The following MZT2A variants were observed in gnomAD, a reference collection of about 807,000 sequenced individuals.
MZT2A encodes the protein mitotic spindle organizing protein 2A.
Under a neutral mutation model 12.4 loss-of-function variants are expected in MZT2A, and 8 were observed. The ratio of observed to expected loss-of-function variants is 0.64; its 90% CI spans 0.38 to 1.16. The LOEUF is 1.16. Ranked by LOEUF, MZT2A falls within the 50% of genes most tolerant of loss-of-function variation. MZT2A has a pLI of 0.01. For missense variants in MZT2A, 181 were observed against 223.6 expected (o/e 0.81, Z 1.22); for synonymous variants, 88 against 107.5 (o/e 0.82, Z 1.12).
chr2:131,474,479 G>A (rs1377260383), intron 2 of MZT2A, among the ~76,000 whole-genome samples: 1 of 131,106 alleles, frequency 7.6e-6, no homozygotes. Flanking sequence ...GTGTGATCTT[G>A]ACTCACTGCA....
At chr2:131,493,256 C>A, upstream of MZT2A, 1 of 1,352,804 alleles carries the variant, frequency 7.4e-7, no homozygotes, top group Non-Finnish European at 9.5e-7. Flanking sequence ...GGCCCGGCGG[C>A]TCTGCCCAGG....
At chr2:131,476,573 C>A (rs1309264495) in intron 2 of MZT2A, among the ~76,000 whole-genome samples, 1 of 152,164 alleles carries the variant, frequency 6.6e-6, no homozygotes, top group African/African-American at 2.4e-5. Context: ...GGGGTTGGGG[C>A]TGTGGACATT....
chr2:131,471,107 C>T (rs1704973309), intron 3 of MZT2A, among the ~76,000 whole-genome samples: 2 of 138,182 alleles, frequency 1.4e-5, no homozygotes, highest in South Asian at 2.1e-4. Flanking sequence ...CTGGAAGTGA[C>T]GAGACCTGGA....
intron 2 of MZT2A, chr2:131,476,327 T>G (rs1183253179): frequency 1.3e-6 from 2 of 1,532,386 alleles, no homozygotes; most frequent in Admixed American, 1.8e-5. Context: ...CAGGGTCTAG[T>G]GCGGGACAGG....
downstream of MZT2A, chr2:131,480,680 C>T (rs139606303): frequency 3.1e-5 from 50 of 1,613,814 alleles, no homozygotes; most frequent in African/African-American, 3.6e-4. Flanking sequence ...AAGACGTCAA[C>T]GCGGCCATCG....
chr2:131,484,589 G>GGCA (rs34185196), intron 2 of MZT2A, among the ~76,000 whole-genome samples: 5 of 151,604 alleles, frequency 3.3e-5, no homozygotes, highest in Non-Finnish European at 5.9e-5. Context: ...TGCCATCAGC[G>GGCA]GCAGCAGCAG....
intron 2 of MZT2A, among the ~76,000 whole-genome samples, chr2:131,472,638 A>T (rs1321015085): frequency 6.6e-6 from 1 of 152,206 alleles, no homozygotes; most frequent in Non-Finnish European, 1.5e-5. Context: ...TTAGATACAT[A>T]AATCCTTGCT....
chr2:131,492,970 C>A, upstream of MZT2A: 1 of 1,525,172 alleles, frequency 6.6e-7, no homozygotes. Flanking sequence ...GCCGGCCGGC[C>A]TTCTTCGCTT....
chr2:131,486,425 G>A, intron 2 of MZT2A: 1 of 161,988 alleles, frequency 6.2e-6, no homozygotes, highest in East Asian at 1.9e-4. Flanking sequence ...TGGGTGCTTA[G>A]GTGCCCATGC....
chr2:131,482,481 G>A (rs1411348539), downstream of MZT2A: 1 of 1,535,380 alleles, frequency 6.5e-7, no homozygotes, highest in Non-Finnish European at 8.8e-7. Context: ...TCTTCTGTTT[G>A]AGGAAAAGTA....
downstream of MZT2A, chr2:131,482,882 C>A (rs1281492821): frequency 6.3e-7 from 1 of 1,594,858 alleles, no homozygotes; most frequent in Admixed American, 1.7e-5. Context: ...CCTGCCACCC[C>A]CGGGATGGCT....
At chr2:131,483,828 A>G (rs1039685114), downstream of MZT2A, 10 of 957,392 alleles carry the variant, frequency 1.0e-5, no homozygotes, top group African/African-American at 6.9e-5. Flanking sequence ...TCAGAACCCA[A>G]ATCAGGTTCA....
Position 131,490,801 on chromosome 2 carries a change from G to A in MZT2A, c.319+1075C>T, listed in dbSNP as rs1201730460. On this transcript the variant is annotated intron_variant, in intron 2 of 2. Transcript: ENST00000309451. ...GTGAGTGTGTGGCAGCTGGGCTGTG[G>A]AGCATAACCAGAGAGGCCGCAGGCT... is the stretch of plus-strand genomic sequence containing the variant. 10 of 1,549,890 alleles carry A rather than the reference G, an allele frequency of 6.5e-6. 1 individual carries two copies. In the East Asian group the frequency reaches 2.2e-4, roughly 34 times the overall value.
chr2:131,490,697 A>T, intron 2 of MZT2A: 1 of 1,549,590 alleles, frequency 6.5e-7, no homozygotes, highest in Non-Finnish European at 8.7e-7. Flanking sequence ...CCCAGAGATA[A>T]GCCAATAAAC....
intron 2 of MZT2A, among the ~76,000 whole-genome samples, chr2:131,476,641 G>T (rs1456278107): frequency 6.6e-6 from 1 of 152,144 alleles, no homozygotes; most frequent in Non-Finnish European, 1.5e-5. Context: ...TTCACCTAAA[G>T]GCAACCGTTA....
intron 2 of MZT2A, chr2:131,476,074 G>A (rs1422470677): frequency 1.7e-4 from 257 of 1,546,522 alleles, no homozygotes; most frequent in Non-Finnish European, 2.1e-4. Flanking sequence ...AGCCAATGGC[G>A]GCCTGGCACC....
At chr2:131,484,816 G>C (rs1350308215) in intron 2 of MZT2A, among the ~76,000 whole-genome samples, 4 of 152,200 alleles carry the variant, frequency 2.6e-5, no homozygotes, top group African/African-American at 9.7e-5. Context: ...CAGATTCCAT[G>C]ACAGGGTTCC....
intron 2 of MZT2A, chr2:131,489,750 G>C: frequency 1.9e-6 from 1 of 516,938 alleles, no homozygotes. Flanking sequence ...TGAGCTCAAG[G>C]AATCCACCTG....
chr2:131,475,947 C>A (rs1573854771), intron 2 of MZT2A: 4 of 550,106 alleles, frequency 7.3e-6, no homozygotes, highest in South Asian at 4.7e-5. Flanking sequence ...CCTTTGATGA[C>A]CCCCGCTGCC....
Sources: gnomAD v4.1 joint callset for allele counts (sites outside exome capture counted in the v4.1 genomes callset) on GRCh38, gnomAD v4.1.1 for gene constraint, MANE v1.5 for transcripts, NCBI Gene and HGNC (gene_info 2026-07-23, HGNC 2026-07-21) for gene names.